TAFA2: variants seen among roughly 807,000 people sequenced by gnomAD.
TAFA2 encodes chemokine-like protein TAFA-2.
In TAFA2, 7 loss-of-function variants were observed where a neutral mutation model predicts 18.8. That is an observed-to-expected ratio of 0.37 (90% CI 0.21 to 0.70). The LOEUF (loss-of-function observed/expected upper bound fraction) is 0.70, where lower values mean the gene tolerates loss of function less well. Ranked by LOEUF, TAFA2 falls within the 30% of genes least tolerant of loss-of-function variation. The pLI, the probability that TAFA2 is intolerant of heterozygous loss-of-function variation, is 0.53. For missense variants in TAFA2, 122 were observed against 158.1 expected, an observed-to-expected ratio of 0.77 and a Z score of 1.23; for synonymous variants, 60 against 54.2, an observed-to-expected ratio of 1.11 and a Z score of -0.47.
intron 1 of TAFA2, among the ~76,000 whole-genome samples, chr12:61,973,018 A>G (rs1052067101): frequency 6.6e-6 from 1 of 151,738 alleles, no homozygotes; most frequent in African/African-American, 2.4e-5. Flanking sequence ...TTACTATATT[A>G]GCATCCCAGA....
At chr12:62,082,477 A>C (rs1164113349) in intron 1 of TAFA2, among the ~76,000 whole-genome samples, 3 of 152,282 alleles carry the variant, frequency 2.0e-5, no homozygotes, top group Admixed American at 6.5e-5. Flanking sequence ...CAAGGGGCAT[A>C]GCACAGTCAA....
intron 2 of TAFA2, among the ~76,000 whole-genome samples, chr12:61,770,402 T>C (rs1279382211): frequency 6.6e-6 from 1 of 152,068 alleles, no homozygotes; most frequent in African/African-American, 2.4e-5. Context: ...GGGAAATTCA[T>C]TGCAAAAAGA....
intron 2 of TAFA2, among the ~76,000 whole-genome samples, chr12:61,861,397 A>C (rs1009098275): frequency 2.0e-5 from 3 of 151,906 alleles, no homozygotes; most frequent in Non-Finnish European, 4.4e-5. Context: ...CTACAGGCAC[A>C]GGCCAGCGCA....
At chr12:61,797,250 C>T (rs1871224976) in intron 2 of TAFA2, among the ~76,000 whole-genome samples, 1 of 152,144 alleles carries the variant, frequency 6.6e-6, no homozygotes, top group East Asian at 1.9e-4. Context: ...GCTGAGCATG[C>T]CCTACCTCAC....
In TAFA2 at chr12:61,867,325, T is replaced by A. The variant is rs772431122; in HGVS notation, c.101A>T (p.His34Leu). The change falls in exon 2 of 5, where the codon CAT becomes CTT. Residue 34 changes from histidine (H) to leucine (L), a missense_variant. Coordinates refer to ENST00000416284, the MANE Select transcript of TAFA2 (RefSeq NM_178539.5). Reference sequence around the variant, plus strand: ...AAAAAAACAGAAAAGCTTACCTTTATGATGGTTTGCACTGGATACAACTTT... The same window carrying A: ...AAAAAAACAGAAAAGCTTACCTTTAAGATGGTTTGCACTGGATACAACTTT... ...WGKVVSSANH[H>L]KAHHVKTGTC... The A allele has an allele frequency of 3.4e-5, 54 of 1,572,574 alleles. No homozygotes were observed. In the Admixed American group the frequency reaches 9.8e-4, roughly 29 times the overall value.
chr12:61,976,593 GTT>G (rs1281874299), intron 1 of TAFA2, among the ~76,000 whole-genome samples: 1 of 151,726 alleles, frequency 6.6e-6, no homozygotes, highest in Admixed American at 6.6e-5. Flanking sequence ...CAACCAGCAG[GTT>G]TGTTACATAT....
Position 61,927,879 on chromosome 12 carries a change from T to G in TAFA2, c.-1-60453A>C, listed in dbSNP as rs1053582948. On this transcript the variant is annotated intron_variant, in intron 1 of 4. Coordinates refer to ENST00000416284, the MANE Select transcript of TAFA2 (RefSeq NM_178539.5). ...CCACACATCTACAACCATCTGACCT[T>G]TGACAAACCTGACAAAAACAAGCAA... Among the ~76,000 whole-genome samples, 44 of 152,152 alleles carry G rather than the reference T, an allele frequency of 2.9e-4. 1 individual carries two copies. The highest frequency in any genetic ancestry group is 9.9e-4 in the African/African-American group (41 of 41,442).
Position 62,037,685 on chromosome 12 carries a change from A to C in TAFA2, c.-2+153574T>G, listed in dbSNP as rs1881646575. ...TAATGAAATCTCCAAGAAAACTTAC[A>C]TACCAAATTCCAATGCACACCAAAA... On this transcript the variant is annotated intron_variant, in intron 1 of 4. Coordinates refer to ENST00000416284, the MANE Select transcript of TAFA2 (RefSeq NM_178539.5). Among the ~76,000 whole-genome samples, 7 of 152,336 alleles carry C rather than the reference A, an allele frequency of 4.6e-5. No individual in the cohort carries two copies. In the South Asian group the frequency reaches 1.5e-3, roughly 32 times the overall value.
intron 2 of TAFA2, among the ~76,000 whole-genome samples, chr12:61,803,355 T>G (rs1448583013): frequency 1.3e-5 from 2 of 151,936 alleles, no homozygotes; most frequent in Non-Finnish European, 2.9e-5. Flanking sequence ...ATGGCAATGT[T>G]ATAAAATTAA....
chr12:62,180,627 T>C (rs2062545758), intron 1 of TAFA2, among the ~76,000 whole-genome samples: 4 of 152,166 alleles, frequency 2.6e-5, no homozygotes, highest in African/African-American at 7.2e-5. Context: ...GAATCTTCTA[T>C]GGTGGCAAGA....
chr12:61,779,914 T>A (rs758032972), intron 2 of TAFA2, among the ~76,000 whole-genome samples: 8 of 151,746 alleles, frequency 5.3e-5, no homozygotes, highest in African/African-American at 9.7e-5. Context: ...ATCCCCAATA[T>A]AATATCTCTA....
chr12:62,194,104 C>T (rs1439189417), upstream of TAFA2, among the ~76,000 whole-genome samples: 1 of 152,174 alleles, frequency 6.6e-6, no homozygotes. Context: ...ATTCCACTTA[C>T]ATAGTAACTT....
chr12:62,039,010 T>C (rs895753467), intron 1 of TAFA2, among the ~76,000 whole-genome samples: 1 of 152,196 alleles, frequency 6.6e-6, no homozygotes, highest in African/African-American at 2.4e-5. Flanking sequence ...CTGCCCCAGA[T>C]GATGTCTGCA....
chr12:61,865,339 C>T (rs1211434024), intron 2 of TAFA2, among the ~76,000 whole-genome samples: 2 of 152,092 alleles, frequency 1.3e-5, no homozygotes, highest in Non-Finnish European at 2.9e-5. Flanking sequence ...TACATATACA[C>T]AACCCTTATT....
chr12:61,750,282 G>A (rs1868948996), intron 4 of TAFA2, among the ~76,000 whole-genome samples: 1 of 152,034 alleles, frequency 6.6e-6, no homozygotes, highest in African/African-American at 2.4e-5. Context: ...GATCTTAAAA[G>A]TAATAAAAGA....
At chr12:62,077,454 T>C (rs910328482) in intron 1 of TAFA2, among the ~76,000 whole-genome samples, 24 of 152,222 alleles carry the variant, frequency 1.6e-4, no homozygotes, top group African/African-American at 5.3e-4. Flanking sequence ...TGGCTACTCC[T>C]TTTTAAATTG....
intron 1 of TAFA2, among the ~76,000 whole-genome samples, chr12:61,959,472 T>C (rs1878808619): frequency 6.6e-6 from 1 of 152,026 alleles, no homozygotes; most frequent in South Asian, 2.1e-4. Flanking sequence ...GTAAAGAAAA[T>C]CTATTGATTC....
chr12:61,745,641 C>T (rs1170796063), intron 4 of TAFA2, among the ~76,000 whole-genome samples: 2 of 151,982 alleles, frequency 1.3e-5, no homozygotes, highest in African/African-American at 2.4e-5. Flanking sequence ...TTGTATCCTC[C>T]CATGTGGTAT....
intron 1 of TAFA2, among the ~76,000 whole-genome samples, chr12:61,969,759 G>C (rs930664009): frequency 1.3e-5 from 2 of 151,650 alleles, no homozygotes; most frequent in African/African-American, 4.8e-5. Context: ...AAGGATCATA[G>C]AACTCAATAC....
Sources: allele counts gnomAD v4.1 joint callset (sites outside exome capture counted in the v4.1 genomes callset), GRCh38; gene constraint gnomAD v4.1.1; transcripts MANE v1.5; gene names NCBI Gene and HGNC (gene_info 2026-07-23, HGNC 2026-07-21).